Variants in PAX5 observed in about 807,000 individuals in gnomAD.
The protein encoded by PAX5 is paired box protein Pax-5.
Under a neutral mutation model 43.7 loss-of-function variants are expected in PAX5, and 9 were observed. That is an observed-to-expected ratio of 0.21 (90% CI 0.12 to 0.36). PAX5 has a LOEUF of 0.36. Ranked by LOEUF, PAX5 falls within the 10% of genes least tolerant of loss-of-function variation. The pLI, the probability that PAX5 is intolerant of heterozygous loss-of-function variation, is 1.00. For missense variants in PAX5, 383 were observed against 532.7 expected, an observed-to-expected ratio of 0.72 and a Z score of 2.77; for synonymous variants, 228 against 214.3, an observed-to-expected ratio of 1.06 and a Z score of -0.56.
chr9:37,023,139 G>A (rs935354920), intron 1 of PAX5, among the ~76,000 whole-genome samples: 6 of 152,284 alleles, frequency 3.9e-5, no homozygotes, highest in African/African-American at 1.4e-4. Context: ...AACCAGGAGA[G>A]AGAGAGCCTG....
At chr9:36,923,717 T>G (rs1830367630) in intron 6 of PAX5, among the ~76,000 whole-genome samples, 1 of 152,156 alleles carries the variant, frequency 6.6e-6, no homozygotes. Context: ...CAGGACTCAG[T>G]GCAACTTCAC....
At chr9:36,989,996 C>G (rs1836788111) in intron 5 of PAX5, among the ~76,000 whole-genome samples, 1 of 152,046 alleles carries the variant, frequency 6.6e-6, no homozygotes, top group South Asian at 2.1e-4. Context: ...GTTCTGTGTG[C>G]TGGTGGGGAG....
At chr9:37,026,122 G>A (rs1016975579) in intron 1 of PAX5, among the ~76,000 whole-genome samples, 2 of 152,252 alleles carry the variant, frequency 1.3e-5, no homozygotes, top group African/African-American at 4.8e-5. Flanking sequence ...GTCTGGATCA[G>A]CCCCATGGCT....
intron 5 of PAX5, among the ~76,000 whole-genome samples, chr9:36,973,027 CA>C (rs56983909): frequency 0.78 from 99,745 of 127,616 alleles, 38,351 homozygotes; most frequent in South Asian, 0.87. Flanking sequence ...GATTCAGTCT[CA>C]AAAAAAAAAA....
rs748927107 is a variant in PAX5, at chr9:37,020,700, T to G, written c.148A>C (p.Arg50=). Residue 50 remains arginine, a synonymous_variant, in exon 2 of 10, where the codon AGG becomes CGG. Transcript: ENST00000358127. Reference sequence around the variant, plus strand: ...AGCTGCCTGGAGATGTCGCAGGGCCTGACACCTTGATGAGCAAGTTCCACT... The same window carrying G: ...AGCTGCCTGGAGATGTCGCAGGGCCGGACACCTTGATGAGCAAGTTCCACT... ...RIVELAHQGV[R]PCDISRQLRV... is the part of the protein sequence containing the mutation. The G allele has an allele frequency of 4.3e-6, 7 of 1,614,204 alleles. No individual in the cohort carries two copies. In the Admixed American group the frequency reaches 1.2e-4, roughly 27 times the overall value.
intron 1 of PAX5, among the ~76,000 whole-genome samples, chr9:37,024,280 A>T (rs773479212): frequency 6.6e-6 from 1 of 151,274 alleles, no homozygotes; most frequent in Non-Finnish European, 1.5e-5. Context: ...GTGGGTGGGG[A>T]CTCCTCCAAA....
At chr9:36,863,863 T>C (rs4878663) in intron 8 of PAX5, among the ~76,000 whole-genome samples, 3,455 of 152,248 alleles carry the variant, frequency 0.023, 74 homozygotes, top group Admixed American at 0.082. Flanking sequence ...CCAATCCCAG[T>C]ACTTTGGGAG....
chr9:37,018,109 AG>A (rs1473243193), intron 2 of PAX5, among the ~76,000 whole-genome samples: 1 of 152,206 alleles, frequency 6.6e-6, no homozygotes, highest in African/African-American at 2.4e-5. Context: ...TTCATACAAT[AG>A]GGGGAGAATG....
intron 4 of PAX5, among the ~76,000 whole-genome samples, chr9:37,003,099 A>G (rs1838059056): frequency 6.7e-6 from 1 of 148,356 alleles, no homozygotes; most frequent in Admixed American, 6.8e-5. Context: ...GGATGCAGGA[A>G]GCAGGGGATG....
At chr9:36,873,932 G>A (rs754828316) in intron 8 of PAX5, among the ~76,000 whole-genome samples, 6 of 152,212 alleles carry the variant, frequency 3.9e-5, no homozygotes, top group Admixed American at 6.5e-5. Context: ...CAGACCCAGA[G>A]AGTGGAAATG....
At chr9:37,033,884 A>C in intron 1 of PAX5, 102 bp downstream of exon 1, 1 of 984,902 alleles carries the variant, frequency 1.0e-6, no homozygotes. Context: ...TCTCTACGAA[A>C]ATGCGGCGCG....
intron 7 of PAX5, among the ~76,000 whole-genome samples, chr9:36,910,637 C>T (rs2131900476): frequency 6.6e-6 from 1 of 152,276 alleles, no homozygotes; most frequent in East Asian, 1.9e-4. Context: ...CCCGCCTGGA[C>T]TTTGTAGATA....
chr9:36,887,991 A>C (rs1337452687), intron 7 of PAX5, among the ~76,000 whole-genome samples: 13 of 152,242 alleles, frequency 8.5e-5, no homozygotes, highest in African/African-American at 2.9e-4. Context: ...TCTAAAGAAG[A>C]ATAAATGAAA....
chr9:36,901,766 G>A (rs1278018355), intron 7 of PAX5, among the ~76,000 whole-genome samples: 7 of 152,176 alleles, frequency 4.6e-5, no homozygotes, highest in Non-Finnish European at 2.9e-5. Flanking sequence ...CCCTGGCCAA[G>A]GAACATCGCC....
chr9:36,868,170 G>A (rs1825083549), intron 8 of PAX5, among the ~76,000 whole-genome samples: 2 of 152,260 alleles, frequency 1.3e-5, no homozygotes, highest in African/African-American at 2.4e-5. Context: ...AATATTGGAA[G>A]AAGGACTGGG....
intron 7 of PAX5, among the ~76,000 whole-genome samples, chr9:36,919,287 C>A (rs1829951886): frequency 6.6e-6 from 1 of 152,094 alleles, no homozygotes; most frequent in Admixed American, 6.5e-5. Flanking sequence ...CAAAATATTA[C>A]TGCTTATTGA....
chr9:36,936,031 T>A (rs887067070), intron 6 of PAX5, among the ~76,000 whole-genome samples: 1 of 152,230 alleles, frequency 6.6e-6, no homozygotes, highest in Non-Finnish European at 1.5e-5. Flanking sequence ...GTTCTCACGG[T>A]CAAGGCAGGG....
chr9:36,936,832 ACACACACACACACACATG>A (rs917811979), intron 6 of PAX5, among the ~76,000 whole-genome samples: 3 of 68,186 alleles, frequency 4.4e-5, no homozygotes, highest in African/African-American at 8.4e-5. Context: ...ACACACATGC[ACACACACACACACACATG>A]CACACACACA....
intron 2 of PAX5, among the ~76,000 whole-genome samples, chr9:37,016,561 G>A (rs1418273643): frequency 6.6e-6 from 1 of 152,158 alleles, no homozygotes; most frequent in Non-Finnish European, 1.5e-5. Context: ...TCATTTCAGG[G>A]GGGGATAATT....
Sources: allele counts gnomAD v4.1 joint callset (sites outside exome capture counted in the v4.1 genomes callset), GRCh38; gene constraint gnomAD v4.1.1; transcripts MANE v1.5; gene names NCBI Gene and HGNC (gene_info 2026-07-23, HGNC 2026-07-21).